Variants in COBL observed in about 807,000 individuals in gnomAD.
COBL encodes the protein cordon-bleu WH2 repeat protein.
A neutral mutation model predicts 98.8 loss-of-function variants in COBL; 51 were observed. That is an observed-to-expected ratio of 0.52 (90% confidence interval 0.41 to 0.65). The LOEUF (loss-of-function observed/expected upper bound fraction) is 0.65, where lower values mean the gene tolerates loss of function less well. Ranked by LOEUF, COBL falls within the 30% of genes least tolerant of loss-of-function variation. The probability of loss-of-function intolerance (pLI) is 0.00; values close to 1 mark genes in which losing one functional copy is unlikely to be tolerated. For missense variants in COBL, 1,617 were observed against 1,617.5 expected, an observed-to-expected ratio of 1.00 and a Z score of 0.01; for synonymous variants, 634 against 651.7, an observed-to-expected ratio of 0.97 and a Z score of 0.41.
intron 6 of COBL, among the ~76,000 whole-genome samples, chr7:51,091,789 T>A (rs966313863): frequency 6.6e-6 from 1 of 152,192 alleles, no homozygotes; most frequent in Non-Finnish European, 1.5e-5. Context: ...AGAAATTGAT[T>A]CATCACTTTC....
chr7:51,138,169 G>A (rs1799413396), intron 5 of COBL, among the ~76,000 whole-genome samples: 1 of 152,172 alleles, frequency 6.6e-6, no homozygotes, highest in Admixed American at 6.5e-5. Context: ...AGTTCCCATA[G>A]GAAACAGGTG....
At chr7:51,107,384 GC>G (rs1008759033) in intron 6 of COBL, among the ~76,000 whole-genome samples, 4 of 152,020 alleles carry the variant, frequency 2.6e-5, no homozygotes, top group African/African-American at 9.7e-5. Flanking sequence ...ACCACACCCA[GC>G]CCTAGTATTT....
intron 5 of COBL, among the ~76,000 whole-genome samples, chr7:51,162,978 CGCTAAGCTAA>C (rs1427410177): frequency 6.6e-6 from 1 of 152,188 alleles, no homozygotes; most frequent in African/African-American, 2.4e-5. Flanking sequence ...CTAAGCTAAG[CGCTAAGCTAA>C]GGAAGGAAGG....
chr7:51,212,664 G>A (rs1187885526), intron 2 of COBL, among the ~76,000 whole-genome samples: 1 of 152,172 alleles, frequency 6.6e-6, no homozygotes, highest in African/African-American at 2.4e-5. Flanking sequence ...GTGAGACCTT[G>A]GGCTCATTCT....
At chr7:51,204,355 T>G (rs1451849163) in intron 2 of COBL, among the ~76,000 whole-genome samples, 1 of 152,152 alleles carries the variant, frequency 6.6e-6, no homozygotes, top group Non-Finnish European at 1.5e-5. Context: ...ACAGTACTGG[T>G]AGTCCTAGCC....
intron 7 of COBL, among the ~76,000 whole-genome samples, chr7:51,045,421 C>T (rs1039346938): frequency 6.6e-5 from 10 of 152,042 alleles, no homozygotes; most frequent in Admixed American, 1.3e-4. Context: ...GGGACAGACA[C>T]GTACGCAAAG....
intron 2 of COBL, among the ~76,000 whole-genome samples, chr7:51,204,159 G>A (rs958014350): frequency 2.6e-5 from 4 of 152,130 alleles, no homozygotes; most frequent in Non-Finnish European, 5.9e-5. Flanking sequence ...AAAAGCATCT[G>A]ACAAAACTCA....
intron 5 of COBL, among the ~76,000 whole-genome samples, chr7:51,149,054 G>A (rs541354506): frequency 1.3e-5 from 2 of 152,286 alleles, no homozygotes; most frequent in African/African-American, 4.8e-5. Flanking sequence ...CTATGTCAAG[G>A]TTTGCTATAA....
At position 51,284,826 on chromosome 7, in the gene COBL, C is replaced by CA. The variant is rs74813357; in HGVS notation, c.41+31766dup. On this transcript the variant is annotated intron_variant, in intron 1 of 12. Transcript: ENST00000265136. ...TGGGCAACAAAGCAAGACTCCGTCT[C>CA]AAAAAAAAAAAAAGGTATAAAAAAA... Among the ~76,000 whole-genome samples, 252 of 115,638 alleles carry CA rather than the reference C, an allele frequency of 2.2e-3. 1 individual carries two copies. The highest frequency in any genetic ancestry group is 6.8e-3 in the East Asian group (27 of 3,946). The allele number at this position is 115,638 out of a possible 152,430, so 75.9% of individuals were successfully genotyped here. A position where few individuals can be genotyped will look rare whatever the true frequency, so the allele number is the denominator to read the frequency against.
intron 3 of COBL, among the ~76,000 whole-genome samples, chr7:51,191,846 G>C (rs1457923695): frequency 6.6e-6 from 1 of 152,150 alleles, no homozygotes; most frequent in African/African-American, 2.4e-5. Flanking sequence ...ACACTGTAGA[G>C]CTGGACACAG....
intron 7 of COBL, among the ~76,000 whole-genome samples, chr7:51,046,889 T>G (rs555652110): frequency 6.6e-6 from 1 of 152,288 alleles, no homozygotes; most frequent in South Asian, 2.1e-4. Flanking sequence ...CCCCTTTCTG[T>G]AAAATAAGCA....
At chr7:51,020,740 C>T (rs2128859848) in intron 12 of COBL, among the ~76,000 whole-genome samples, 1 of 152,316 alleles carries the variant, frequency 6.6e-6, no homozygotes, top group Non-Finnish European at 1.5e-5. Context: ...AGCCGAGCTG[C>T]AAATGCTCTT....
rs184128405 is a variant in COBL, at chr7:51,281,530, A to G, written c.41+35063T>C. Reference sequence around the variant, plus strand: ...AAAGTGCTTAAAACTAAAAACACGGAAAAAACCTTGAGAATCACCAAAACA... The same window carrying G: ...AAAGTGCTTAAAACTAAAAACACGGGAAAAACCTTGAGAATCACCAAAACA... On this transcript the variant is annotated intron_variant, in intron 1 of 12. Coordinates refer to ENST00000265136, the MANE Select transcript of COBL (RefSeq NM_015198.5). Among the ~76,000 whole-genome samples, 8 of 152,286 alleles carry G rather than the reference A, an allele frequency of 5.3e-5. No homozygotes were observed. The East Asian group carries it at 1.5e-3, about 29-fold the overall frequency.
intron 6 of COBL, among the ~76,000 whole-genome samples, chr7:51,096,203 A>G (rs55686803): frequency 1.1e-3 from 168 of 152,334 alleles, no homozygotes; most frequent in African/African-American, 4.0e-3. Flanking sequence ...GCTAGAAATC[A>G]ATAGTAAAAC....
At chr7:51,056,095 G>A (rs1012611691) in intron 7 of COBL, among the ~76,000 whole-genome samples, 4 of 151,842 alleles carry the variant, frequency 2.6e-5, no homozygotes, top group Admixed American at 1.3e-4. Context: ...AATTACTTGC[G>A]GAAACTATAA....
chr7:51,303,114 G>A (rs1802134846), intron 1 of COBL, among the ~76,000 whole-genome samples: 1 of 152,138 alleles, frequency 6.6e-6, no homozygotes, highest in African/African-American at 2.4e-5. Context: ...GTTTCCCCGA[G>A]CCTCATGACA....
intron 5 of COBL, among the ~76,000 whole-genome samples, chr7:51,152,917 C>T (rs1418425171): frequency 6.6e-6 from 1 of 152,154 alleles, no homozygotes; most frequent in Non-Finnish European, 1.5e-5. Flanking sequence ...CCATCCATGG[C>T]CCCCAGATCA....
chr7:51,309,390 C>T (rs1331872397), intron 1 of COBL, among the ~76,000 whole-genome samples: 1 of 152,140 alleles, frequency 6.6e-6, no homozygotes, highest in East Asian at 1.9e-4. Context: ...CCAGGACTCC[C>T]GAGGTGGGCT....
At chr7:51,023,733 T>A (rs1165537895) in intron 12 of COBL, among the ~76,000 whole-genome samples, 2 of 152,208 alleles carry the variant, frequency 1.3e-5, no homozygotes, top group East Asian at 3.9e-4. Flanking sequence ...TCTGGAGAGC[T>A]GTCTCCCTTC....
Sources: gnomAD v4.1 joint callset for allele counts (sites outside exome capture counted in the v4.1 genomes callset) on GRCh38, gnomAD v4.1.1 for gene constraint, MANE v1.5 for transcripts, NCBI Gene and HGNC (gene_info 2026-07-23, HGNC 2026-07-21) for gene names.